GSK3B: variants seen among roughly 807,000 people sequenced by gnomAD.
GSK3B encodes the protein glycogen synthase kinase 3 beta, also known as glycogen synthase kinase-3 beta.
A neutral mutation model predicts 56.4 loss-of-function variants in GSK3B; 15 were observed. The observed-to-expected ratio is 0.27, with a 90% CI of 0.18 to 0.41. The LOEUF is 0.41. GSK3B is among the 10% of genes least tolerant of loss of function. The probability of loss-of-function intolerance (pLI) is 1.00; values close to 1 mark genes in which losing one functional copy is unlikely to be tolerated. For synonymous variants in GSK3B, 181 were observed against 188.9 expected (o/e 0.96, Z 0.34); for missense variants, 300 against 513.4 (o/e 0.58, Z 4.02).
chr3:119,989,006 T>G (rs78548554), intron 2 of GSK3B, among the ~76,000 whole-genome samples: 3 of 152,228 alleles, frequency 2.0e-5, no homozygotes, highest in Non-Finnish European at 4.4e-5. Flanking sequence ...TATTTTCTAC[T>G]GCTTAAATTA....
intron 10 of GSK3B, among the ~76,000 whole-genome samples, chr3:119,834,051 C>G (rs970552370): frequency 5.3e-5 from 8 of 152,114 alleles, no homozygotes; most frequent in African/African-American, 1.9e-4. Flanking sequence ...CAATAACAAT[C>G]TCTTCCAAGC....
intron 5 of GSK3B, among the ~76,000 whole-genome samples, chr3:119,914,852 G>C (rs1481275759): frequency 6.6e-6 from 1 of 152,084 alleles, no homozygotes; most frequent in Non-Finnish European, 1.5e-5. Context: ...TGATGTAAAA[G>C]TATTACAAAG....
At chr3:120,079,346 ACACATTT>A (rs758488387) in intron 1 of GSK3B, among the ~76,000 whole-genome samples, 3,582 of 105,480 alleles carry the variant, frequency 0.034, 94 homozygotes, top group African/African-American at 0.1. Context: ...ACACACACAC[ACACATTT>A]TTTTTTTTAA....
chr3:119,863,458 C>G lies in GSK3B; in HGVS notation c.1057G>C (p.Gly353Arg). Residue 353 changes from glycine to arginine, a missense_variant, in exon 9 of 11, where the codon GGG becomes CGG. Physicochemically the swap from Gly to Arg is moderately radical, Grantham distance 125. Transcript: ENST00000264235. ...LRDPNVKLPN[G>R]RDTPALFNFT... ...TTGAAGAGTGCAGGTGTGTCTCGCC[C>G]ATTTGGTAGTTTGACATTTGGGTCC... The G allele has an allele frequency of 6.2e-7, 1 of 1,613,994 alleles. No individual in the cohort carries two copies. The highest frequency in any genetic ancestry group is 8.5e-7 in the Non-Finnish European group (1 of 1,179,968).
At chr3:120,091,688 T>C (rs952303725) in intron 1 of GSK3B, among the ~76,000 whole-genome samples, 1 of 152,132 alleles carries the variant, frequency 6.6e-6, no homozygotes, top group Non-Finnish European at 1.5e-5. Flanking sequence ...TCATCATAGC[T>C]GAAAATTACC....
chr3:119,828,991 G>A (rs530006168), intron 10 of GSK3B, among the ~76,000 whole-genome samples: 1 of 152,296 alleles, frequency 6.6e-6, no homozygotes, highest in African/African-American at 2.4e-5. Flanking sequence ...AAATGAACAG[G>A]TGGCAGGAAA....
intron 1 of GSK3B, among the ~76,000 whole-genome samples, chr3:120,026,722 T>C (rs1276892696): frequency 6.6e-6 from 1 of 151,008 alleles, no homozygotes; most frequent in Admixed American, 6.6e-5. Context: ...CACATCTGGC[T>C]AATTTTTGTA....
At chr3:120,055,637 G>A (rs1559893716) in intron 1 of GSK3B, among the ~76,000 whole-genome samples, 1 of 152,096 alleles carries the variant, frequency 6.6e-6, no homozygotes, top group Admixed American at 6.6e-5. Flanking sequence ...TACCAAAATA[G>A]AGATACAACA....
At chr3:119,919,186 C>T (rs1205769243) in intron 4 of GSK3B, among the ~76,000 whole-genome samples, 1 of 152,092 alleles carries the variant, frequency 6.6e-6, no homozygotes, top group Non-Finnish European at 1.5e-5. Flanking sequence ...AGAAAATACT[C>T]AACTCTCCCA....
intron 2 of GSK3B, among the ~76,000 whole-genome samples, chr3:119,962,756 C>T (rs2057284164): frequency 6.6e-6 from 1 of 152,156 alleles, no homozygotes; most frequent in Non-Finnish European, 1.5e-5. Context: ...GCACAAGGGA[C>T]CAGTTCCATA....
intron 1 of GSK3B, among the ~76,000 whole-genome samples, chr3:120,043,515 G>A (rs1018990230): frequency 1.3e-5 from 2 of 152,106 alleles, no homozygotes; most frequent in African/African-American, 4.8e-5. Context: ...TGCCCCTCCA[G>A]AAAAGCCACT....
intron 2 of GSK3B, among the ~76,000 whole-genome samples, chr3:119,977,282 C>T (rs1293828924): frequency 1.3e-5 from 2 of 152,176 alleles, no homozygotes; most frequent in East Asian, 3.8e-4. Context: ...TGAAAACCTG[C>T]CTCTCAGGTT....
chr3:120,062,613 T>C (rs1317658706), intron 1 of GSK3B, among the ~76,000 whole-genome samples: 5 of 152,230 alleles, frequency 3.3e-5, no homozygotes, highest in Non-Finnish European at 2.9e-5. Context: ...GATCCAGTTA[T>C]AATTTATATA....
At chr3:119,874,494 C>T (rs990988966) in intron 8 of GSK3B, among the ~76,000 whole-genome samples, 4 of 151,872 alleles carry the variant, frequency 2.6e-5, no homozygotes, top group Non-Finnish European at 5.9e-5. Flanking sequence ...CCAAATGTAA[C>T]TGAAACCTTA....
intron 3 of GSK3B, among the ~76,000 whole-genome samples, chr3:119,928,329 G>T (rs2056907778): frequency 6.6e-6 from 1 of 152,136 alleles, no homozygotes; most frequent in South Asian, 2.1e-4. Context: ...GGAAAGGCCG[G>T]GCTTGGTGGC....
chr3:119,882,477 C>A (rs2056390878), intron 7 of GSK3B, among the ~76,000 whole-genome samples: 1 of 152,124 alleles, frequency 6.6e-6, no homozygotes, highest in Non-Finnish European at 1.5e-5. Context: ...TAACATTTTA[C>A]TATATTTGGT....
At chr3:119,936,895 A>T (rs1173396193) in intron 3 of GSK3B, among the ~76,000 whole-genome samples, 3 of 152,036 alleles carry the variant, frequency 2.0e-5, no homozygotes, top group Non-Finnish European at 4.4e-5. Context: ...TGGACCCAAC[A>T]TACATATACA....
Position 119,863,505 on chromosome 3 carries a change from T to A in GSK3B, c.1010A>T (p.His337Leu). 6.2e-7 allele frequency: 1 copy of A among 1,613,856 alleles called. No individual in the cohort carries two copies. The highest frequency in any genetic ancestry group is 8.5e-7 in the Non-Finnish European group (1 of 1,179,720). The change falls in exon 9 of 11, where the codon CAT becomes CTT. Residue 337 changes from histidine (H) to leucine (L), a missense_variant. By Grantham distance (99) the His-to-Leu change is moderately conservative (BLOSUM62 -3). Around this residue, in one of 6 missense-constraint regions of GSK3B, gnomAD observed 38 missense variants for 58.3 expected, o/e 0.65. Coordinates refer to ENST00000264235, the MANE Select transcript of GSK3B (RefSeq NM_001146156.2). ...GTCCCGTAATTCATCAAAAAATGAA[T>A]GTGCACAAGCTTCCAGTGGTGTTAG... ...ARLTPLEACA[H>L]SFFDELRDPN... is the part of the protein sequence containing the mutation.
intron 1 of GSK3B, among the ~76,000 whole-genome samples, chr3:120,045,940 G>A (rs1052660745): frequency 6.6e-6 from 1 of 152,190 alleles, no homozygotes; most frequent in Non-Finnish European, 1.5e-5. Flanking sequence ...AGACATAAAG[G>A]AATGTTAAAT....
Sources: gnomAD v4.1 joint callset for allele counts (sites outside exome capture counted in the v4.1 genomes callset) on GRCh38, gnomAD v4.1.1 for gene constraint, gnomAD v4.1.1 regional missense constraint, MANE v1.5 for transcripts, NCBI Gene and HGNC (gene_info 2026-07-23, HGNC 2026-07-21) for gene names.